TACC1: variants seen among roughly 807,000 people sequenced by gnomAD.
TACC1 encodes the protein transforming acidic coiled-coil containing protein 1.
A neutral mutation model predicts 84.4 loss-of-function variants in TACC1; 48 were observed. The ratio of observed to expected loss-of-function variants is 0.57; its 90% CI spans 0.45 to 0.72. TACC1 has a LOEUF of 0.72. Ranked by LOEUF, TACC1 falls within the 30% of genes least tolerant of loss-of-function variation. The probability of loss-of-function intolerance (pLI) is 0.00; values close to 1 mark genes in which losing one functional copy is unlikely to be tolerated. For missense variants in TACC1, 920 were observed against 973.0 expected (o/e 0.95, Z 0.72); for synonymous variants, 372 against 376.3 (o/e 0.99, Z 0.13).
In TACC1 at chr8:38,819,617, C is replaced by A. The variant is rs749561775; in HGVS notation, c.373C>A (p.Gln125Lys). 59 of 1,614,126 alleles carry A rather than the reference C, an allele frequency of 3.7e-5. No homozygotes were observed. The Admixed American group carries it at 9.8e-4, about 27-fold the overall frequency. ...SKPSENEVPQ[Q>K]AIDSHSVKNF... ...ACCTTCAGAAAATGAAGTGCCACAG[C>A]AGGCCATTGACTCTCACTCAGTCAA... The change falls in exon 3 of 13, where the codon CAG becomes AAG. Residue 125 changes from glutamine (Q) to lysine (K), a missense_variant. Physicochemically the swap from Gln to Lys is moderately conservative, Grantham distance 53. Around this residue, in one of 2 missense-constraint regions of TACC1, gnomAD observed 762 missense variants for 747.3 expected, o/e 1.02. Transcript: ENST00000317827.
At chr8:38,771,611 G>A (rs1267673236) in intron 3 of TACC1, among the ~76,000 whole-genome samples, 1 of 152,170 alleles carries the variant, frequency 6.6e-6, no homozygotes, top group Admixed American at 6.5e-5. Context: ...ATGAGTTAAG[G>A]CACATAAGTG....
At chr8:38,750,592 C>G (rs1006245313) in intron 3 of TACC1, among the ~76,000 whole-genome samples, 1 of 152,104 alleles carries the variant, frequency 6.6e-6, no homozygotes, top group South Asian at 2.1e-4. Flanking sequence ...ATTAGAGGTA[C>G]AAGGTTGCAG....
At chr8:38,802,125 G>A (rs1397904007) in intron 2 of TACC1, 1 of 152,254 alleles carries the variant, frequency 6.6e-6, no homozygotes, top group African/African-American at 2.4e-5. Flanking sequence ...GCCCAGGCTG[G>A]TTTCCAACTC....
At chr8:38,825,471 C>T in intron 4 of TACC1, 103 bp downstream of exon 4, 1 of 1,215,832 alleles carries the variant, frequency 8.2e-7, no homozygotes, top group Middle Eastern at 1.9e-4. Context: ...CCAATGGGTA[C>T]CTGAGTACTC....
chr8:38,842,375 T>G lies in TACC1; in HGVS notation c.2049T>G (p.Ser683=). 1 of 1,614,222 alleles carries G rather than the reference T, an allele frequency of 6.2e-7. No individual in the cohort carries two copies. Among genetic ancestry groups the G allele is most frequent in the East Asian group, 2.2e-5 (1 of 44,886 alleles). Residue 683 remains serine (S), a synonymous_variant, in exon 10 of 13, where the codon TCT becomes TCG. Transcript: ENST00000317827. ...EKEQALADLN[S]VERSLSDLFR... ...AACAGGCCCTGGCTGACCTTAACTC[T>G]GTGGAAAGGTCCCTTTCTGATCTCT...
chr8:38,771,394 C>T (rs975890609), intron 3 of TACC1, among the ~76,000 whole-genome samples: 3 of 152,154 alleles, frequency 2.0e-5, no homozygotes, highest in Non-Finnish European at 2.9e-5. Flanking sequence ...CTCGAGACAC[C>T]ATACGCTCCT....
chr8:38,761,798 A>G (rs1447883828), intron 3 of TACC1, among the ~76,000 whole-genome samples: 1 of 152,198 alleles, frequency 6.6e-6, no homozygotes, highest in African/African-American at 2.4e-5. Context: ...TAAAATTAAG[A>G]GAGAGATTTA....
intron 3 of TACC1, chr8:38,824,753 A>G (rs1321911294): frequency 1.3e-5 from 2 of 153,416 alleles, no homozygotes; most frequent in African/African-American, 4.8e-5. Context: ...CTTACTACTT[A>G]ATAGGAATGG....
intron 2 of TACC1, among the ~76,000 whole-genome samples, 159 bp downstream of exon 2, chr8:38,788,978 G>C (rs1302409806): frequency 6.6e-6 from 1 of 152,160 alleles, no homozygotes; most frequent in Non-Finnish European, 1.5e-5. Context: ...TTAGGGGTGT[G>C]GTGATCGAGG....
At chr8:38,741,981 A>G (rs1306639605) in intron 1 of TACC1, among the ~76,000 whole-genome samples, 1 of 152,256 alleles carries the variant, frequency 6.6e-6, no homozygotes, top group African/African-American at 2.4e-5. Flanking sequence ...GGAACAAAAC[A>G]AAAGAAGTTT....
intron 2 of TACC1, among the ~76,000 whole-genome samples, chr8:38,800,653 C>T (rs935386720): frequency 1.3e-5 from 2 of 152,050 alleles, no homozygotes; most frequent in Non-Finnish European, 2.9e-5. Flanking sequence ...TTTATTTACC[C>T]GTTTATTGGT....
rs991052951 is a variant in TACC1 at position 38,852,092 on chromosome 8, C to T, written c.*4069C>T. On this transcript the variant is annotated 3_prime_UTR_variant, in exon 13 of 13. Coordinates refer to ENST00000317827, the MANE Select transcript of TACC1 (RefSeq NM_006283.3). ...AGCGGCAGCATTCTCCAGGGAAGAC[C>T]CATCCCCTAGTGCCAGAGCTTGCAT... The T allele has an allele frequency of 2.8e-6, 1 of 352,562 alleles. No homozygotes were observed. Among genetic ancestry groups the T allele is most frequent in the African/African-American group, 2.1e-5 (1 of 46,990 alleles). 21.8% of individuals were successfully genotyped at this position (352,562 alleles called of 1,614,324 possible). A position where few individuals can be genotyped will look rare whatever the true frequency, so the allele number is the denominator to read the frequency against.
chr8:38,845,906 A>G (rs900073689), intron 11 of TACC1, among the ~76,000 whole-genome samples: 5 of 152,194 alleles, frequency 3.3e-5, no homozygotes, highest in Admixed American at 6.5e-5. Context: ...AAAGCTTATC[A>G]TTTTAATTTA....
intron 8 of TACC1, chr8:38,839,547 C>T (rs1830824758): frequency 3.1e-6 from 1 of 323,004 alleles, no homozygotes; most frequent in Non-Finnish European, 5.7e-6. Flanking sequence ...GACATTCCTG[C>T]TCTTAGAGAG....
At chr8:38,842,085 C>T (rs1290562312) in intron 9 of TACC1, among the ~76,000 whole-genome samples, 1 of 152,082 alleles carries the variant, frequency 6.6e-6, no homozygotes, top group African/African-American at 2.4e-5. Context: ...AGCCCCCTCC[C>T]CGCCCCCATT....
chr8:38,798,606 CGTGTGTGTGTGTGTGT>C (rs10631964), intron 2 of TACC1, among the ~76,000 whole-genome samples: 1 of 143,396 alleles, frequency 7.0e-6, no homozygotes, highest in Non-Finnish European at 1.5e-5. Flanking sequence ...CTGGGTTCTG[CGTGTGTGTGTGTGTGT>C]GTGTGTGTGT....
chr8:38,756,377 T>C (rs1810045891), intron 3 of TACC1, among the ~76,000 whole-genome samples: 1 of 151,676 alleles, frequency 6.6e-6, no homozygotes, highest in African/African-American at 2.4e-5. Context: ...GATGGTGTCA[T>C]AGAAGGGAGG....
chr8:38,795,620 G>A (rs745990915), intron 2 of TACC1, among the ~76,000 whole-genome samples: 1 of 152,170 alleles, frequency 6.6e-6, no homozygotes, highest in South Asian at 2.1e-4. Flanking sequence ...AAATCTTGGA[G>A]GGTATAAACC....
At chr8:38,739,381 A>G (rs1279367898) in intron 1 of TACC1, among the ~76,000 whole-genome samples, 1 of 152,232 alleles carries the variant, frequency 6.6e-6, no homozygotes, top group Non-Finnish European at 1.5e-5. Flanking sequence ...ATGTACACAT[A>G]TAGTGGTATT....
Sources: gnomAD v4.1 joint callset for allele counts (sites outside exome capture counted in the v4.1 genomes callset) on GRCh38, gnomAD v4.1.1 for gene constraint, gnomAD v4.1.1 regional missense constraint, MANE v1.5 for transcripts, NCBI Gene and HGNC (gene_info 2026-07-23, HGNC 2026-07-21) for gene names.